The following CCDC138 variants were observed in gnomAD, a reference collection of about 807,000 sequenced individuals.
CCDC138 encodes the protein coiled-coil domain-containing protein 138.
A neutral mutation model predicts 82.3 loss-of-function variants in CCDC138; 66 were observed. The observed-to-expected ratio is 0.80, with a 90% CI of 0.66 to 0.98. CCDC138 has a LOEUF of 0.98. CCDC138 is among the 50% of genes least tolerant of loss of function. The probability of loss-of-function intolerance (pLI) is 0.00; values close to 1 mark genes in which losing one functional copy is unlikely to be tolerated. For synonymous variants in CCDC138, 297 were observed against 265.4 expected (o/e 1.12, Z -1.16); for missense variants, 816 against 758.9 (o/e 1.08, Z -0.88).
At chr2:108,884,626 A>G (rs549217861) in intron 2 of CCDC138, 1 of 152,322 alleles carries the variant, frequency 6.6e-6, no homozygotes, top group Admixed American at 6.5e-5. Context: ...TAAACATCAG[A>G]AAGTCAAGGA....
At chr2:108,798,654 A>G in intron 6 of CCDC138, 68 bp downstream of exon 6, 1 of 1,268,716 alleles carries the variant, frequency 7.9e-7, no homozygotes, top group Middle Eastern at 2.8e-4. Flanking sequence ...ACTAGTTACT[A>G]ACATTTTGTC....
intron 12 of CCDC138, among the ~76,000 whole-genome samples, chr2:108,851,546 C>T (rs773739062): frequency 2.6e-5 from 4 of 152,138 alleles, no homozygotes; most frequent in Non-Finnish European, 4.4e-5. Flanking sequence ...AGGTGATCCG[C>T]CCACCTCAGC....
At chr2:108,816,152 A>G in intron 10 of CCDC138, 47 bp downstream of exon 10, 1 of 1,450,980 alleles carries the variant, frequency 6.9e-7, no homozygotes, top group Non-Finnish European at 9.5e-7. Context: ...TATGAAGATT[A>G]AAAAAGGAAA....
At chr2:108,798,306 G>A in intron 5 of CCDC138, 122 bp from the exon 6 acceptor site, 1 of 948,606 alleles carries the variant, frequency 1.1e-6, no homozygotes, top group Non-Finnish European at 1.6e-6. Context: ...AATCCAGATT[G>A]TCCTTAGGTA....
intron 7 of CCDC138, among the ~76,000 whole-genome samples, chr2:108,809,094 G>A (rs1558650209): frequency 6.6e-6 from 1 of 152,076 alleles, no homozygotes; most frequent in African/African-American, 2.4e-5. Flanking sequence ...TATTAATGTT[G>A]TTGGCACCTT....
At chr2:108,863,066 A>G (rs1313095076) in intron 13 of CCDC138, among the ~76,000 whole-genome samples, 2 of 152,216 alleles carry the variant, frequency 1.3e-5, no homozygotes, top group African/African-American at 4.8e-5. Context: ...TTTAGTTGCA[A>G]TATTAGGTTG....
chr2:108,805,066 T>A, intron 7 of CCDC138, 58 bp downstream of exon 7: 1 of 959,142 alleles, frequency 1.0e-6, no homozygotes, highest in Non-Finnish European at 1.4e-6. Context: ...ATATTTTATA[T>A]ATAACAAATT....
At chr2:108,878,086 T>TA (rs1379104608), downstream of CCDC138, among the ~76,000 whole-genome samples, 1 of 152,178 alleles carries the variant, frequency 6.6e-6, no homozygotes, top group Non-Finnish European at 1.5e-5. Context: ...AGAAATGACT[T>TA]AAAGATTAAT....
chr2:108,856,961 G>A lies in CCDC138; in HGVS notation c.1684G>A (p.Val562Met). 1 of 1,591,994 alleles carries A rather than the reference G, an allele frequency of 6.3e-7. No individual in the cohort carries two copies. ...TATTGATAGTTTGCTCCAGATGACG[G>A]TGGAATCTAGTAAGTTTTTAAGTTC... ...NVIDSLLQMT[V>M]ESKSLQPFLE... Residue 562 changes from valine (V) to methionine (M), a missense_variant, in exon 13 of 15, where the codon GTG becomes ATG. Transcript: ENST00000295124.
chr2:108,788,178 G>A, intron 2 of CCDC138, 89 bp downstream of exon 2: 1 of 1,359,308 alleles, frequency 7.4e-7, no homozygotes, highest in Non-Finnish European at 1.0e-6. Flanking sequence ...CAGCACTTTG[G>A]GAGGCCGAGG....
intron 4 of CCDC138, among the ~76,000 whole-genome samples, chr2:108,793,583 A>C (rs1199442259): frequency 6.6e-6 from 1 of 151,836 alleles, no homozygotes; most frequent in Non-Finnish European, 1.5e-5. Flanking sequence ...ACCCTCAGGA[A>C]ACTTTTTTTT....
At chr2:108,820,994 A>C (rs1685599576) in intron 10 of CCDC138, among the ~76,000 whole-genome samples, 1 of 142,094 alleles carries the variant, frequency 7.0e-6, no homozygotes, top group Admixed American at 7.5e-5. Flanking sequence ...TAATTCTTGC[A>C]TAGAATGTAA....
At chr2:108,787,973 T>C in intron 1 of CCDC138, 59 bp from the exon 2 acceptor site, 3 of 1,330,286 alleles carry the variant, frequency 2.3e-6, no homozygotes, top group Non-Finnish European at 3.1e-6. Flanking sequence ...TGGGGAAATA[T>C]TTTGAGACAG....
chr2:108,819,667 C>T (rs1050851811), intron 10 of CCDC138, among the ~76,000 whole-genome samples: 6 of 152,196 alleles, frequency 3.9e-5, no homozygotes, highest in African/African-American at 1.4e-4. Flanking sequence ...CCCAAAACCT[C>T]TAACTGGGCT....
At chr2:108,834,570 G>A (rs960961865) in intron 10 of CCDC138, among the ~76,000 whole-genome samples, 4 of 152,136 alleles carry the variant, frequency 2.6e-5, no homozygotes, top group Non-Finnish European at 5.9e-5. Context: ...CAATCCATGA[G>A]CATATGATTT....
At chr2:108,808,608 T>C (rs1683249222) in intron 7 of CCDC138, among the ~76,000 whole-genome samples, 1 of 152,214 alleles carries the variant, frequency 6.6e-6, no homozygotes, top group Admixed American at 6.5e-5. Flanking sequence ...ACCTGATGAT[T>C]AGTGATATTG....
intron 10 of CCDC138, among the ~76,000 whole-genome samples, chr2:108,820,471 G>A (rs983319921): frequency 6.6e-6 from 1 of 151,816 alleles, no homozygotes; most frequent in Non-Finnish European, 1.5e-5. Flanking sequence ...AAAGAAATAG[G>A]CATACAAGTT....
intron 12 of CCDC138, among the ~76,000 whole-genome samples, chr2:108,848,022 G>A (rs1172230063): frequency 1.3e-5 from 2 of 151,896 alleles, no homozygotes; most frequent in Non-Finnish European, 2.9e-5. Flanking sequence ...CATACCCACA[G>A]GTAAATGGAT....
At chr2:108,844,431 C>G (rs1690098777) in intron 11 of CCDC138, among the ~76,000 whole-genome samples, 1 of 151,916 alleles carries the variant, frequency 6.6e-6, no homozygotes, top group Non-Finnish European at 1.5e-5. Context: ...GTAAGACTTT[C>G]TGTGTCTTCG....
Sources: allele counts gnomAD v4.1 joint callset (sites outside exome capture counted in the v4.1 genomes callset), GRCh38; gene constraint gnomAD v4.1.1; transcripts MANE v1.5; gene names NCBI Gene and HGNC (gene_info 2026-07-23, HGNC 2026-07-21).